Variants in DIAPH1 observed in about 807,000 individuals in gnomAD.
DIAPH1 encodes the protein diaphanous related formin 1, also known as protein diaphanous homolog 1.
DIAPH1 carries 46 observed loss-of-function variants against 140.7 expected under a neutral mutation model. The observed-to-expected ratio is 0.33, with a 90% CI of 0.26 to 0.42. The LOEUF is 0.42. Ranked by LOEUF, DIAPH1 falls within the 10% of genes least tolerant of loss-of-function variation. The pLI is 1.00. For missense variants in DIAPH1, 1,310 were observed against 1,558.7 expected, an observed-to-expected ratio of 0.84 and a Z score of 2.69; for synonymous variants, 565 against 551.6, an observed-to-expected ratio of 1.02 and a Z score of -0.34.
chr5:141,557,373 A>G (rs2099892780), intron 18 of DIAPH1, among the ~76,000 whole-genome samples: 1 of 152,190 alleles, frequency 6.6e-6, no homozygotes, highest in South Asian at 2.1e-4. Flanking sequence ...CTGTTGATTA[A>G]GTTTTTTAAA....
chr5:141,533,286 T>A (rs1166057493), intron 19 of DIAPH1, among the ~76,000 whole-genome samples: 2 of 152,220 alleles, frequency 1.3e-5, no homozygotes, highest in Non-Finnish European at 2.9e-5. Context: ...TTTCTTGGTA[T>A]GAAGTAGGTA....
chr5:141,536,112 C>T (rs1371108010), intron 18 of DIAPH1: 2 of 430,640 alleles, frequency 4.6e-6, no homozygotes, highest in Non-Finnish European at 9.8e-6. Flanking sequence ...CCAACCTGAC[C>T]AACATGGCAA....
intron 21 of DIAPH1, 105 bp from the exon 22 acceptor site, chr5:141,529,046 A>G: frequency 1.9e-6 from 3 of 1,584,030 alleles, no homozygotes; most frequent in Admixed American, 3.4e-5. Context: ...CAGAGCAGGG[A>G]GAAGAGAGAG....
At chr5:141,543,744 G>A (rs926682657) in intron 18 of DIAPH1, among the ~76,000 whole-genome samples, 6 of 152,088 alleles carry the variant, frequency 3.9e-5, no homozygotes, top group African/African-American at 1.4e-4. Context: ...ACTCACAATG[G>A]CTTTCAGGAC....
At chr5:141,556,856 G>A (rs981813483) in intron 18 of DIAPH1, among the ~76,000 whole-genome samples, 11 of 152,192 alleles carry the variant, frequency 7.2e-5, no homozygotes, top group African/African-American at 2.2e-4. Flanking sequence ...CAGGCGGCCC[G>A]GCTAATTTTT....
intron 18 of DIAPH1, among the ~76,000 whole-genome samples, chr5:141,551,426 G>C (rs1003258752): frequency 2.6e-5 from 4 of 152,040 alleles, no homozygotes; most frequent in Non-Finnish European, 5.9e-5. Flanking sequence ...CTGGGCAACA[G>C]AGCAAGACCC....
chr5:141,605,561 C>T (rs1361827584), intron 1 of DIAPH1, among the ~76,000 whole-genome samples: 2 of 152,170 alleles, frequency 1.3e-5, no homozygotes, highest in Non-Finnish European at 2.9e-5. Context: ...CCTGACAAGG[C>T]ACAGTTACAA....
At chr5:141,578,404 A>G (rs1022806830) in intron 10 of DIAPH1, 61 bp from the exon 11 acceptor site, 19 of 1,545,194 alleles carry the variant, frequency 1.2e-5, no homozygotes, top group Non-Finnish European at 1.5e-5. Context: ...TTAGAAACCT[A>G]AGCTTTTCAA....
At chr5:141,520,141 T>C (rs1356523348) in intron 27 of DIAPH1, among the ~76,000 whole-genome samples, 1 of 152,212 alleles carries the variant, frequency 6.6e-6, no homozygotes, top group African/African-American at 2.4e-5. Flanking sequence ...ACATTAAGCT[T>C]CCTTAGGGAA....
chr5:141,531,042 C>T (rs749635034), intron 19 of DIAPH1, among the ~76,000 whole-genome samples: 1 of 152,128 alleles, frequency 6.6e-6, no homozygotes, highest in African/African-American at 2.4e-5. Context: ...TCTAAACTAG[C>T]CTATTCTCTC....
intron 18 of DIAPH1, among the ~76,000 whole-genome samples, chr5:141,545,333 T>C (rs1253956842): frequency 2.0e-5 from 3 of 152,120 alleles, no homozygotes; most frequent in Non-Finnish European, 4.4e-5. Context: ...GCCAATACAG[T>C]AGGATAAAGC....
intron 3 of DIAPH1, among the ~76,000 whole-genome samples, chr5:141,585,412 G>C (rs1014145131): frequency 4.6e-5 from 7 of 152,146 alleles, no homozygotes; most frequent in African/African-American, 1.4e-4. Context: ...TAGTAAAACA[G>C]CACCAAAGGA....
At chr5:141,601,592 T>C (rs1474387439) in intron 1 of DIAPH1, among the ~76,000 whole-genome samples, 1 of 152,206 alleles carries the variant, frequency 6.6e-6, no homozygotes, top group Non-Finnish European at 1.5e-5. Context: ...ACCGGGACTA[T>C]ATTAGAACCT....
chr5:141,536,403 A>C (rs2099889026), intron 18 of DIAPH1, among the ~76,000 whole-genome samples: 1 of 152,166 alleles, frequency 6.6e-6, no homozygotes, highest in Admixed American at 6.5e-5. Context: ...TTGAGTACCT[A>C]TATGTGCCAG....
At chr5:141,542,159 C>A (rs1049240970) in intron 18 of DIAPH1, among the ~76,000 whole-genome samples, 1 of 152,204 alleles carries the variant, frequency 6.6e-6, no homozygotes. Context: ...GTCCACCAGG[C>A]GCAGTGGCTC....
chr5:141,571,687 T>C, intron 17 of DIAPH1: 1 of 662,116 alleles, frequency 1.5e-6, no homozygotes, highest in Non-Finnish European at 2.7e-6. Flanking sequence ...CTCATATCCC[T>C]AACAAGTTAT....
chr5:141,586,830 C>T (rs930418740), intron 3 of DIAPH1, among the ~76,000 whole-genome samples: 4 of 152,144 alleles, frequency 2.6e-5, no homozygotes, highest in Admixed American at 6.6e-5. Flanking sequence ...AGACAGTGAT[C>T]GGATGTTTCC....
intron 20 of DIAPH1, 50 bp downstream of exon 20, chr5:141,529,553 G>T: frequency 7.0e-7 from 1 of 1,419,888 alleles, no homozygotes; most frequent in Non-Finnish European, 1.0e-6. Context: ...TGAGGCCAGT[G>T]CCCAGCGACA....
intron 4 of DIAPH1, among the ~76,000 whole-genome samples, 185 bp downstream of exon 4, chr5:141,583,939 T>C (rs2099897163): frequency 6.6e-6 from 1 of 152,126 alleles, no homozygotes; most frequent in Non-Finnish European, 1.5e-5. Flanking sequence ...TCATGAAAAT[T>C]TAACCAGGCA....
Sources: allele counts gnomAD v4.1 joint callset (sites outside exome capture counted in the v4.1 genomes callset), GRCh38; gene constraint gnomAD v4.1.1; transcripts MANE v1.5; gene names NCBI Gene and HGNC (gene_info 2026-07-23, HGNC 2026-07-21).